PAX7: variants seen among roughly 807,000 people sequenced by gnomAD.
PAX7 encodes paired box 7.
Under a neutral mutation model 50.7 loss-of-function variants are expected in PAX7, and 18 were observed. The observed-to-expected ratio is 0.36, with a 90% CI of 0.25 to 0.53. The LOEUF is 0.53. PAX7 is among the 20% of genes least tolerant of loss of function. The pLI is 0.93. For missense variants in PAX7, 644 were observed against 702.9 expected, an observed-to-expected ratio of 0.92 and a Z score of 0.95; for synonymous variants, 310 against 290.4, an observed-to-expected ratio of 1.07 and a Z score of -0.69.
chr1:18,700,203 G>C lies in PAX7; in HGVS notation c.787-450G>C, dbSNP rs1284080039. On this transcript the variant is annotated intron_variant, in intron 5 of 8. Coordinates refer to ENST00000420770, the MANE Select transcript of PAX7 (RefSeq NM_001135254.2). This position sits in a 1 kb window ranked among gnomAD's most constrained non-coding sequence, Gnocchi z 4.8. Reference sequence around the variant, plus strand: ...GAACCCGGCTTGCACATCTGGGTCTGAAGTGCAGGTCTCATTCAGGTGGGT... The same window carrying C: ...GAACCCGGCTTGCACATCTGGGTCTCAAGTGCAGGTCTCATTCAGGTGGGT... Among the ~76,000 whole-genome samples the C allele has an allele frequency of 1.3e-5, 2 of 151,922 alleles. No homozygotes were observed. The highest frequency in any genetic ancestry group is 3.9e-4 in the East Asian group (2 of 5,164).
chr1:18,719,765 C>A (rs2089472296), intron 7 of PAX7, among the ~76,000 whole-genome samples: 1 of 151,714 alleles, frequency 6.6e-6, no homozygotes. Context: ...CAACTTCATT[C>A]TCCTTGTCTA....
intron 7 of PAX7, among the ~76,000 whole-genome samples, chr1:18,732,065 G>A (rs1557558044): frequency 1.3e-5 from 2 of 152,172 alleles, no homozygotes; most frequent in African/African-American, 4.8e-5. Flanking sequence ...TGACTTCTCT[G>A]CCTGGAAAGC....
Position 18,700,136 on chromosome 1 carries a change from C to T in PAX7, c.787-517C>T, listed in dbSNP as rs1300707826. On this transcript the variant is annotated intron_variant, in intron 5 of 8. Coordinates refer to ENST00000420770, the MANE Select transcript of PAX7 (RefSeq NM_001135254.2). This position sits in a 1 kb window ranked among gnomAD's most constrained non-coding sequence, Gnocchi z 4.8. ...TGTGTGTTTCCTATTTCAAGGAGGC[C>T]CAGGGTGTGTAAGCAAAGTAGGGCC... 6.7e-6 allele frequency among the ~76,000 whole-genome samples: 1 copy of T among 148,882 alleles called. No individual in the cohort carries two copies. The highest frequency in any genetic ancestry group is 2.5e-5 in the African/African-American group (1 of 40,262).
intron 7 of PAX7, among the ~76,000 whole-genome samples, chr1:18,734,418 T>C (rs1359436590): frequency 6.6e-6 from 1 of 152,014 alleles, no homozygotes; most frequent in Non-Finnish European, 1.5e-5. Flanking sequence ...CCTGCCCTCC[T>C]CTGAACTCAC....
intron 7 of PAX7, among the ~76,000 whole-genome samples, chr1:18,708,145 C>A (rs547861007): frequency 1.3e-4 from 20 of 152,198 alleles, no homozygotes; most frequent in African/African-American, 4.6e-4. Flanking sequence ...GCTCATGAGA[C>A]CTCATTCCTG....
chr1:18,661,104 T>C (rs2088593569), intron 4 of PAX7, among the ~76,000 whole-genome samples: 2 of 152,096 alleles, frequency 1.3e-5, no homozygotes, highest in African/African-American at 4.8e-5. Context: ...TGTTAGATGA[T>C]CAGTAAATCT....
At chr1:18,652,635 G>A (rs963802695) in intron 4 of PAX7, among the ~76,000 whole-genome samples, 1 of 152,222 alleles carries the variant, frequency 6.6e-6, no homozygotes, top group Admixed American at 6.5e-5. Context: ...GGCCAGTTGA[G>A]AGCTGACTGC....
Position 18,747,825 on chromosome 1 carries a change from A to G in PAX7, c.*2896A>G, listed in dbSNP as rs182777457. 1.1e-5 allele frequency: 2 copies of G among 190,286 alleles called. No individual in the cohort carries two copies. Among genetic ancestry groups the G allele is most frequent in the African/African-American group, 4.6e-5 (2 of 43,016 alleles). The allele number at this position is 190,286 out of a possible 1,614,324, so 11.8% of individuals were successfully genotyped here. ...TATAAATATATATATATACTAAAAA[A>G]GGAAAGAAATCCCCCACAGTGTGTG... On this transcript the variant is annotated 3_prime_UTR_variant, in exon 9 of 9. Transcript: ENST00000420770.
Position 18,635,133 on chromosome 1 carries a change from A to G in PAX7, c.344A>G (p.Glu115Gly). 6.2e-7 allele frequency: 1 copy of G among 1,613,878 alleles called. No homozygotes were observed. The highest frequency in any genetic ancestry group is 8.5e-7 in the Non-Finnish European group (1 of 1,179,858). ...AAGCAGGTGGCGACTCCGGATGTAG[A>G]GAAAAAGATTGAGGAGTACAAGAGG... The part of the protein sequence containing the change: ...KPRQVATPDV[E>G]KKIEEYKREN... The change falls in exon 3 of 9, where the codon GAG becomes GGG. Residue 115 changes from glutamate (E) to glycine (G), a missense_variant. By Grantham distance (98) the Glu-to-Gly change is moderately conservative. Transcript: ENST00000420770.
chr1:18,635,013 A>G (rs1037449423), intron 2 of PAX7, 98 bp from the exon 3 acceptor site: 1 of 1,449,906 alleles, frequency 6.9e-7, no homozygotes, highest in Non-Finnish European at 9.4e-7. Context: ...AACCAGAACC[A>G]CCAGCCTGGT....
intron 4 of PAX7, among the ~76,000 whole-genome samples, chr1:18,656,392 G>A (rs924351631): frequency 2.0e-5 from 3 of 152,110 alleles, no homozygotes; most frequent in East Asian, 1.9e-4. Flanking sequence ...CCAGCTACTC[G>A]GGAGGCTGAG....
At chr1:18,638,545 G>A (rs1030155891) in intron 4 of PAX7, among the ~76,000 whole-genome samples, 1 of 152,200 alleles carries the variant, frequency 6.6e-6, no homozygotes, top group Non-Finnish European at 1.5e-5. Context: ...CAGTTTTTGC[G>A]TGACAGTGGG....
chr1:18,665,079 G>C (rs139801849), intron 4 of PAX7, among the ~76,000 whole-genome samples: 40 of 152,306 alleles, frequency 2.6e-4, no homozygotes, highest in African/African-American at 9.4e-4. Flanking sequence ...CTCCATTACA[G>C]GGTGGTTGAG....
chr1:18,633,626 G>T (rs180778518), intron 1 of PAX7, among the ~76,000 whole-genome samples: 34 of 152,338 alleles, frequency 2.2e-4, no homozygotes, highest in African/African-American at 7.9e-4. Flanking sequence ...TAGAAGCAAG[G>T]AGAGTCACCC....
At chr1:18,650,685 A>G (rs1284237738) in intron 4 of PAX7, among the ~76,000 whole-genome samples, 1 of 152,334 alleles carries the variant, frequency 6.6e-6, no homozygotes, top group Non-Finnish European at 1.5e-5. Flanking sequence ...CTTTTTTTAT[A>G]GATGGAGAAA....
rs35813876 is a variant in PAX7, at chr1:18,704,703, TA to T, written c.1155+1418del. ...TTACTATCAGGCCCTTACAGTAAATTAAAAAAAAAAACAAACCTTTGTCTGA... is the reference window on the plus strand; with the variant it reads ...TTACTATCAGGCCCTTACAGTAAATTAAAAAAAAAACAAACCTTTGTCTGA... On this transcript the variant is annotated intron_variant, in intron 7 of 8. Coordinates refer to ENST00000420770, the MANE Select transcript of PAX7 (RefSeq NM_001135254.2). 1.3e-3 allele frequency among the ~76,000 whole-genome samples: 184 copies of T among 147,130 alleles called. 1 individual carries two copies. Among genetic ancestry groups the T allele is most frequent in the East Asian group, 8.5e-3 (43 of 5,084 alleles).
chr1:18,637,090 G>T (rs1464512060), intron 4 of PAX7, among the ~76,000 whole-genome samples: 1 of 152,138 alleles, frequency 6.6e-6, no homozygotes, highest in African/African-American at 2.4e-5. Context: ...TTCTTAGCAC[G>T]GCTTCCGCGG....
At chr1:18,729,815 C>T (rs913654837) in intron 7 of PAX7, among the ~76,000 whole-genome samples, 2 of 152,172 alleles carry the variant, frequency 1.3e-5, no homozygotes, top group Admixed American at 6.5e-5. Context: ...GCCTCACACT[C>T]CTGCTCCCTT....
intron 7 of PAX7, among the ~76,000 whole-genome samples, chr1:18,723,994 G>A (rs979522217): frequency 1.3e-5 from 2 of 152,066 alleles, no homozygotes; most frequent in Non-Finnish European, 2.9e-5. Context: ...GCTGTCAAGA[G>A]CAATTTGCTC....
Sources: allele counts gnomAD v4.1 joint callset (sites outside exome capture counted in the v4.1 genomes callset), GRCh38; gene constraint gnomAD v4.1.1; non-coding constraint Gnocchi (gnomAD v3.1); transcripts MANE v1.5; gene names NCBI Gene and HGNC (gene_info 2026-07-23, HGNC 2026-07-21).